The following CARM1 variants were observed in gnomAD, a reference collection of about 807,000 sequenced individuals.
The protein encoded by CARM1 is histone-arginine methyltransferase CARM1.
A neutral mutation model predicts 72.7 loss-of-function variants in CARM1; 14 were observed. The observed-to-expected ratio is 0.19, with a 90% confidence interval of 0.13 to 0.30. The LOEUF (loss-of-function observed/expected upper bound fraction) is 0.30. Among genes scored for constraint, CARM1 ranks in the 10% least tolerant of loss-of-function variants. The pLI is 1.00. For synonymous variants in CARM1, 333 were observed against 345.5 expected (o/e 0.96, Z 0.40); for missense variants, 432 against 833.7 (o/e 0.52, Z 5.93).
chr19:10,871,804 C>A lies in CARM1; in HGVS notation c.102C>A (p.Gly34=), dbSNP rs774334252. The A allele has an allele frequency of 5.9e-4, 734 of 1,242,248 alleles. 1 individual carries two copies. Among genetic ancestry groups the A allele is most frequent in the Non-Finnish European group, 7.1e-4 (701 of 986,512 alleles). The allele number at this position is 1,242,248 out of a possible 1,614,324, so 77.0% of individuals were successfully genotyped here. The change falls in exon 1 of 16, where the codon GGC becomes GGA. Residue 34 remains glycine (G), a synonymous_variant. Transcript: ENST00000327064. The surrounding 1 kb of genome is among the most constrained non-coding windows in gnomAD (Gnocchi z 5.6). ...GCGCTACCGTGTCGGTGTTCCCCGG[C>A]GCCCGCCTCCTCACCATCGGCGACG... ...GPCATVSVFP[G]ARLLTIGDAN...
chr19:10,872,193 T>G (rs1599678788), intron 1 of CARM1, among the ~76,000 whole-genome samples: 11 of 94,600 alleles, frequency 1.2e-4, no homozygotes, highest in African/African-American at 2.1e-4. Context: ...TTGGGAGGGG[T>G]GGGTGAGCAG....
rs2073819216 is a variant in CARM1, at chr19:10,871,730, CCGGGCGCGGGCGGCGCGGGGT to C, written c.32_52del (p.Gly11_Ser17del). The C allele has an allele frequency of 2.0e-6, 2 of 995,108 alleles. No individual in the cohort carries two copies. Among genetic ancestry groups the C allele is most frequent in the Non-Finnish European group, 2.4e-6 (2 of 832,502 alleles). The allele number at this position is 995,108 out of a possible 1,614,324, so 61.6% of individuals were successfully genotyped here. On this transcript the variant is annotated inframe_deletion, in exon 1 of 16. Transcript: ENST00000327064. This position sits in a 1 kb window ranked among gnomAD's most constrained non-coding sequence, Gnocchi z 5.6. ...GGCAGCGGCGGCGGCGGCGGTGGGG[CCGGGCGCGGGCGGCGCGGGGT>C]CGGCGGTCCCGGGCGGCGCGGGGCC... is the stretch of plus-strand genomic sequence containing the variant.
intron 1 of CARM1, among the ~76,000 whole-genome samples, chr19:10,886,812 T>C (rs995776133): frequency 1.3e-5 from 2 of 151,690 alleles, no homozygotes; most frequent in African/African-American, 2.4e-5. Context: ...GCCTGGATGA[T>C]AGAATGAGAT....
intron 1 of CARM1, among the ~76,000 whole-genome samples, chr19:10,901,907 C>T (rs2074069022): frequency 6.6e-6 from 1 of 152,042 alleles, no homozygotes; most frequent in South Asian, 2.1e-4. Context: ...CAAGATAGTG[C>T]TGCTGCACTC....
In CARM1 at chr19:10,912,650, G is replaced by A. The variant is rs138907441; in HGVS notation, c.669+356G>A. 6.2e-3 allele frequency among the ~76,000 whole-genome samples: 946 copies of A among 152,056 alleles called. 8 individuals are homozygous for A. Among genetic ancestry groups the A allele is most frequent in the Non-Finnish European group, 0.01 (703 of 67,960 alleles). Reference sequence around the variant, plus strand: ...GCCCCATCATGAGAGAGGAGCTACGGCCACAAAGTCTGAGCAGAGCTATTC... The same window carrying A: ...GCCCCATCATGAGAGAGGAGCTACGACCACAAAGTCTGAGCAGAGCTATTC... On this transcript the variant is annotated intron_variant, in intron 5 of 15. Coordinates refer to ENST00000327064, the MANE Select transcript of CARM1 (RefSeq NM_199141.2). This position sits in a 1 kb window ranked among gnomAD's most constrained non-coding sequence, Gnocchi z 4.5.
At chr19:10,882,596 C>T (rs932258131) in intron 1 of CARM1, among the ~76,000 whole-genome samples, 9 of 131,038 alleles carry the variant, frequency 6.9e-5, no homozygotes, top group African/African-American at 2.6e-4. Flanking sequence ...GGCTGGAATA[C>T]AGTGGAGCGA....
At chr19:10,908,757 G>A (rs926958827) in intron 3 of CARM1, 6 of 245,190 alleles carry the variant, frequency 2.4e-5, no homozygotes, top group African/African-American at 9.3e-5. Context: ...GGCTCTGTTC[G>A]ATCTGCTTCT....
intron 8 of CARM1, among the ~76,000 whole-genome samples, chr19:10,918,618 T>G (rs2074216573): frequency 6.6e-6 from 1 of 152,134 alleles, no homozygotes; most frequent in African/African-American, 2.4e-5. Context: ...ACAAGCGCAC[T>G]GAGTGTGCAC....
chr19:10,901,047 T>G (rs1342953148), intron 1 of CARM1, among the ~76,000 whole-genome samples: 7 of 150,340 alleles, frequency 4.7e-5, no homozygotes, highest in Non-Finnish European at 3.0e-5. Flanking sequence ...AGTGGCGCTA[T>G]CTCAGCTCAC....
At chr19:10,894,780 G>A (rs538931262) in intron 1 of CARM1, among the ~76,000 whole-genome samples, 183 of 140,438 alleles carry the variant, frequency 1.3e-3, no homozygotes, top group African/African-American at 4.6e-3. Context: ...TCACTCTGTC[G>A]CCCAGGCTGG....
chr19:10,905,285 T>A (rs1599701863), intron 2 of CARM1, among the ~76,000 whole-genome samples: 1 of 152,192 alleles, frequency 6.6e-6, no homozygotes, highest in African/African-American at 2.4e-5. Flanking sequence ...CACCGGCTCC[T>A]CCGGGTCTTT....
chr19:10,872,691 A>G (rs528299432), intron 1 of CARM1, among the ~76,000 whole-genome samples: 11 of 152,196 alleles, frequency 7.2e-5, no homozygotes, highest in African/African-American at 2.4e-4. Flanking sequence ...CACTGGGGGG[A>G]AAAGAAAATC....
intron 4 of CARM1, among the ~76,000 whole-genome samples, chr19:10,911,522 T>C (rs1233603436): frequency 1.3e-5 from 2 of 152,198 alleles, no homozygotes; most frequent in Non-Finnish European, 2.9e-5. Flanking sequence ...CCCTGAGGCC[T>C]TCCCACCTGA....
At chr19:10,894,380 G>A (rs1008683239) in intron 1 of CARM1, among the ~76,000 whole-genome samples, 1 of 151,776 alleles carries the variant, frequency 6.6e-6, no homozygotes, top group African/African-American at 2.4e-5. Context: ...TTTTTTTTCC[G>A]TGCCTGTGGG....
chr19:10,920,324 A>T lies in CARM1; in HGVS notation c.1197-112A>T. ...CAGCCTGTCTCTGCTCCAGGGTCCC[A>T]GGGGTCCCTGGCAGAGGGGGCAGGT... On this transcript the variant is annotated intron_variant, in intron 10 of 15. Coordinates refer to ENST00000327064, the MANE Select transcript of CARM1 (RefSeq NM_199141.2). This position sits in a 1 kb window ranked among gnomAD's most constrained non-coding sequence, Gnocchi z 5.3. The T allele has an allele frequency of 7.8e-7, 1 of 1,275,702 alleles. No homozygotes were observed. The highest frequency in any genetic ancestry group is 1.1e-6 in the Non-Finnish European group (1 of 927,582). The allele number at this position is 1,275,702 out of a possible 1,614,324, so 79.0% of individuals were successfully genotyped here. A position where few individuals can be genotyped will look rare whatever the true frequency, so the allele number is the denominator to read the frequency against.
chr19:10,876,106 T>C (rs2073862480), intron 1 of CARM1, among the ~76,000 whole-genome samples: 1 of 151,990 alleles, frequency 6.6e-6, no homozygotes, highest in South Asian at 2.1e-4. Context: ...CTCGAACTCC[T>C]GACCTCAGGT....
chr19:10,913,796 G>A lies in CARM1; in HGVS notation c.670-81G>A, dbSNP rs1256743560. The stretch of plus-strand genomic sequence containing the variant: ...ACCCAATGCCCATGTGTGGATGGAG[G>A]CTGTCCCTTGAGAGCAGGTCTAGGG... On this transcript the variant is annotated intron_variant, in intron 5 of 15. Coordinates refer to ENST00000327064, the MANE Select transcript of CARM1 (RefSeq NM_199141.2). The A allele has an allele frequency of 8.4e-6, 12 of 1,426,700 alleles. No homozygotes were observed. In the South Asian group the frequency reaches 1.4e-4, roughly 16 times the overall value. 88.4% of individuals were successfully genotyped at this position (1,426,700 alleles called of 1,614,324 possible).
rs1413105579 is a variant in CARM1, at chr19:10,919,978, A to G, written c.1196+12A>G. 7 of 1,608,244 alleles carry G rather than the reference A, an allele frequency of 4.4e-6. No individual in the cohort carries two copies. Among genetic ancestry groups the G allele is most frequent in the African/African-American group, 1.3e-5 (1 of 74,820 alleles). ...TTCATCGGCTCCATGTGAGTGCCGC[A>G]GAGCAGCCCATGCTGCCTCCTCCCC... is the stretch of plus-strand genomic sequence containing the variant. On this transcript the variant is annotated intron_variant, in intron 10 of 15. Coordinates refer to ENST00000327064, the MANE Select transcript of CARM1 (RefSeq NM_199141.2).
intron 1 of CARM1, among the ~76,000 whole-genome samples, chr19:10,877,906 T>A (rs906326902): frequency 3.3e-5 from 5 of 152,096 alleles, no homozygotes; most frequent in Non-Finnish European, 7.3e-5. Flanking sequence ...TTTTTGTATT[T>A]TAGTAGCTCA....
Sources: gnomAD v4.1 joint callset for allele counts (sites outside exome capture counted in the v4.1 genomes callset) on GRCh38, gnomAD v4.1.1 for gene constraint, Gnocchi (gnomAD v3.1) non-coding constraint, MANE v1.5 for transcripts, NCBI Gene and HGNC (gene_info 2026-07-23, HGNC 2026-07-21) for gene names.